The following PTPRG variants were observed in gnomAD, a reference collection of about 807,000 sequenced individuals.
PTPRG encodes the protein receptor-type tyrosine-protein phosphatase gamma.
Under a neutral mutation model 165.3 loss-of-function variants are expected in PTPRG, and 102 were observed. That is an observed-to-expected ratio of 0.62 (90% CI 0.53 to 0.73). The LOEUF (loss-of-function observed/expected upper bound fraction) is 0.73. Among genes scored for constraint, PTPRG ranks in the 30% least tolerant of loss-of-function variants. The probability of loss-of-function intolerance (pLI) is 0.00; values close to 1 mark genes in which losing one functional copy is unlikely to be tolerated. For missense variants in PTPRG, 1,866 were observed against 1,861.4 expected (o/e 1.00, Z -0.05); for synonymous variants, 675 against 669.5 (o/e 1.01, Z -0.13).
At chr3:62,286,689 T>C (rs561772809) in intron 28 of PTPRG, among the ~76,000 whole-genome samples, 110 of 152,124 alleles carry the variant, frequency 7.2e-4, no homozygotes, top group Admixed American at 1.6e-3. Context: ...ACTAGTTAAA[T>C]AAGCATTACT....
At chr3:61,756,404 C>T (rs1443196458) in intron 2 of PTPRG, among the ~76,000 whole-genome samples, 3 of 152,202 alleles carry the variant, frequency 2.0e-5, no homozygotes, top group Non-Finnish European at 4.4e-5. Context: ...AGAAAAAACA[C>T]ATATGGTCAC....
chr3:61,865,324 G>T (rs1266294628), intron 2 of PTPRG, among the ~76,000 whole-genome samples: 1 of 152,164 alleles, frequency 6.6e-6, no homozygotes, highest in Non-Finnish European at 1.5e-5. Flanking sequence ...AGCTACATGT[G>T]AGGCCTTGTT....
intron 6 of PTPRG, among the ~76,000 whole-genome samples, chr3:62,155,117 T>C (rs1704487004): frequency 1.3e-5 from 2 of 152,260 alleles, no homozygotes; most frequent in South Asian, 2.1e-4. Context: ...TCTAGCCTTT[T>C]GTACAGCAGA....
chr3:61,631,735 T>C (rs940627328), intron 1 of PTPRG, among the ~76,000 whole-genome samples: 8 of 152,216 alleles, frequency 5.3e-5, no homozygotes, highest in African/African-American at 1.7e-4. Flanking sequence ...TACTCAGTCA[T>C]TGGGGAGAGT....
At chr3:62,001,178 A>G (rs1313285385) in intron 3 of PTPRG, among the ~76,000 whole-genome samples, 1 of 152,188 alleles carries the variant, frequency 6.6e-6, no homozygotes, top group Non-Finnish European at 1.5e-5. Flanking sequence ...TTGTGTGTAA[A>G]CAAAAATATG....
At chr3:62,193,061 A>G (rs1339787685) in intron 9 of PTPRG, among the ~76,000 whole-genome samples, 1 of 152,204 alleles carries the variant, frequency 6.6e-6, no homozygotes, top group African/African-American at 2.4e-5. Flanking sequence ...ATCAAAGAGG[A>G]ATGTGTTGAA....
At chr3:62,084,774 T>A (rs112332437) in intron 5 of PTPRG, among the ~76,000 whole-genome samples, 1 of 152,218 alleles carries the variant, frequency 6.6e-6, no homozygotes, top group Admixed American at 6.5e-5. Flanking sequence ...CTCTGACTTA[T>A]AGCATTCCAT....
intron 2 of PTPRG, among the ~76,000 whole-genome samples, chr3:61,968,436 G>A (rs759536605): frequency 3.3e-5 from 5 of 152,120 alleles, no homozygotes; most frequent in Non-Finnish European, 5.9e-5. Flanking sequence ...CCTTTGCTGA[G>A]TTGGATTTTC....
At chr3:61,867,222 A>G (rs1391098669) in intron 2 of PTPRG, among the ~76,000 whole-genome samples, 1 of 152,062 alleles carries the variant, frequency 6.6e-6, no homozygotes, top group East Asian at 1.9e-4. Flanking sequence ...GCCTCCCAGA[A>G]CCTGCGGCCC....
chr3:61,823,174 C>G (rs2036006199), intron 2 of PTPRG, among the ~76,000 whole-genome samples: 1 of 152,140 alleles, frequency 6.6e-6, no homozygotes, highest in Non-Finnish European at 1.5e-5. Context: ...TGATGATGAG[C>G]CAGTTGCACA....
At chr3:61,906,810 G>T (rs952789936) in intron 2 of PTPRG, among the ~76,000 whole-genome samples, 1 of 151,668 alleles carries the variant, frequency 6.6e-6, no homozygotes, top group Non-Finnish European at 1.5e-5. Context: ...TAGGTAGGTA[G>T]GTAGGTAGGT....
intron 1 of PTPRG, among the ~76,000 whole-genome samples, chr3:61,569,578 CA>C (rs1485454593): frequency 6.6e-6 from 1 of 152,178 alleles, no homozygotes; most frequent in Non-Finnish European, 1.5e-5. Flanking sequence ...CTCAACTTCC[CA>C]AAGTGCTAGG....
chr3:62,282,081 C>T (rs1258448649), intron 27 of PTPRG, among the ~76,000 whole-genome samples: 3 of 151,978 alleles, frequency 2.0e-5, no homozygotes, highest in East Asian at 3.9e-4. Flanking sequence ...GATGAGTAAG[C>T]ATGGGGGGGC....
At chr3:62,095,388 A>G (rs121816) in intron 5 of PTPRG, among the ~76,000 whole-genome samples, 5,847 of 152,270 alleles carry the variant, frequency 0.038, 378 homozygotes, top group African/African-American at 0.13. Context: ...TACAAATGAC[A>G]GCAGTTAGAG....
chr3:62,178,572 T>A (rs1705525398), intron 8 of PTPRG, among the ~76,000 whole-genome samples: 4 of 152,194 alleles, frequency 2.6e-5, no homozygotes, highest in Non-Finnish European at 5.9e-5. Flanking sequence ...CTTTTCTGTC[T>A]GCCTCAAGGA....
chr3:62,276,646 G>C, intron 24 of PTPRG: 1 of 273,656 alleles, frequency 3.7e-6, no homozygotes, highest in Non-Finnish European at 6.8e-6. Context: ...TGGTATAATT[G>C]TAGGAATAAC....
intron 23 of PTPRG, among the ~76,000 whole-genome samples, chr3:62,274,706 T>C (rs1156970508): frequency 6.6e-6 from 1 of 152,082 alleles, no homozygotes; most frequent in Non-Finnish European, 1.5e-5. Context: ...TTATACCAAG[T>C]GATATGAAAT....
intron 7 of PTPRG, among the ~76,000 whole-genome samples, chr3:62,159,776 T>C (rs1049942730): frequency 1.3e-5 from 2 of 152,220 alleles, no homozygotes; most frequent in Non-Finnish European, 2.9e-5. Context: ...GATAATACTT[T>C]AGTTTTATCA....
chr3:61,617,651 C>T (rs1268850366), intron 1 of PTPRG, among the ~76,000 whole-genome samples: 1 of 152,208 alleles, frequency 6.6e-6, no homozygotes, highest in African/African-American at 2.4e-5. Context: ...CTCTTGCCTT[C>T]CTTGCCAGAG....
Sources: gnomAD v4.1 joint callset for allele counts (sites outside exome capture counted in the v4.1 genomes callset) on GRCh38, gnomAD v4.1.1 for gene constraint, MANE v1.5 for transcripts, NCBI Gene and HGNC (gene_info 2026-07-23, HGNC 2026-07-21) for gene names.